Variants in CELF4 observed in about 807,000 individuals in gnomAD.
The protein encoded by CELF4 is CUGBP Elav-like family member 4, also known as CUG-BP- and ETR-3-like factor 4.
In CELF4, 18 loss-of-function variants were observed where a neutral mutation model predicts 59.9. The ratio of observed to expected loss-of-function variants is 0.30; its 90% CI spans 0.21 to 0.45. The LOEUF is 0.45. Ranked by LOEUF, CELF4 falls within the 20% of genes least tolerant of loss-of-function variation. The probability of loss-of-function intolerance (pLI) is 1.00; values close to 1 mark genes in which losing one functional copy is unlikely to be tolerated. For missense variants in CELF4, 456 were observed against 689.0 expected (o/e 0.66, Z 3.79); for synonymous variants, 261 against 267.1 (o/e 0.98, Z 0.22).
intron 9 of CELF4, 46 bp downstream of exon 9, chr18:37,266,487 A>G (rs1460799815): frequency 1.3e-6 from 2 of 1,539,566 alleles, no homozygotes; most frequent in Non-Finnish European, 1.8e-6. Flanking sequence ...GCGTGGAGAG[A>G]TAAACGGAGT....
intron 3 of CELF4, among the ~76,000 whole-genome samples, chr18:37,284,936 G>C (rs892871375): frequency 6.6e-6 from 1 of 152,226 alleles, no homozygotes; most frequent in Admixed American, 6.5e-5. Context: ...TGAGCTTTGA[G>C]GGTCTTCCTT....
At chr18:37,452,899 A>G (rs570645134) in intron 2 of CELF4, among the ~76,000 whole-genome samples, 1 of 151,804 alleles carries the variant, frequency 6.6e-6, no homozygotes, top group South Asian at 2.1e-4. Flanking sequence ...CCCCTTCTTA[A>G]CCCTCACACC....
chr18:37,436,159 G>C (rs781580319), intron 2 of CELF4, among the ~76,000 whole-genome samples: 1 of 152,308 alleles, frequency 6.6e-6, no homozygotes, highest in Non-Finnish European at 1.5e-5. Context: ...AACCAGCCAG[G>C]GAGAAAAATT....
rs372850890 is a variant in CELF4, at chr18:37,392,765, A to T, written c.370-70884T>A. On this transcript the variant is annotated intron_variant, in intron 2 of 12. Transcript: ENST00000420428. Reference sequence around the variant, plus strand: ...AAACTAGCCTGTTGTGCTACTGAGCATGCTTCAGTGGTCCCTCAGGTCTCA... The same window carrying T: ...AAACTAGCCTGTTGTGCTACTGAGCTTGCTTCAGTGGTCCCTCAGGTCTCA... 1.5e-3 allele frequency among the ~76,000 whole-genome samples: 224 copies of T among 152,348 alleles called. 1 individual carries two copies. The highest frequency in any genetic ancestry group is 5.2e-3 in the African/African-American group (215 of 41,586).
chr18:37,427,052 C>A (rs913294466), intron 2 of CELF4, among the ~76,000 whole-genome samples: 1 of 146,340 alleles, frequency 6.8e-6, no homozygotes, highest in African/African-American at 2.5e-5. Context: ...GGGGGGGAAG[C>A]TGGGCACCCT....
chr18:37,270,668 C>G, intron 8 of CELF4, 100 bp downstream of exon 8: 4 of 1,409,354 alleles, frequency 2.8e-6, no homozygotes, highest in Non-Finnish European at 4.0e-6. Flanking sequence ...AAGGAATGGA[C>G]AGAGGGCAGG....
rs1218910786 is a variant in CELF4, at chr18:37,356,009, A to C, written c.370-34128T>G. Among the ~76,000 whole-genome samples, 3 of 152,154 alleles carry C rather than the reference A, an allele frequency of 2.0e-5. No homozygotes were observed. In the East Asian group the frequency reaches 5.8e-4, roughly 29 times the overall value. ...GTCAGCCACAGGCACTCAGCCCAGC[A>C]CAGCCCAGCCCAGCCCAGCCCTGGC... is the stretch of plus-strand genomic sequence containing the variant. On this transcript the variant is annotated intron_variant, in intron 2 of 12. Transcript: ENST00000420428.
intron 1 of CELF4, among the ~76,000 whole-genome samples, chr18:37,509,344 A>AC (rs2099941709): frequency 6.6e-6 from 1 of 152,242 alleles, no homozygotes; most frequent in African/African-American, 2.4e-5. Context: ...TGGGTGCCCT[A>AC]CCCATGTGGG....
chr18:37,373,113 A>G (rs1272541024), intron 2 of CELF4, among the ~76,000 whole-genome samples: 1 of 152,232 alleles, frequency 6.6e-6, no homozygotes, highest in East Asian at 1.9e-4. Context: ...CAAGCCAGAG[A>G]GACTGAGGCT....
chr18:37,249,922 C>A (rs1456375611), intron 12 of CELF4, among the ~76,000 whole-genome samples: 1 of 152,164 alleles, frequency 6.6e-6, no homozygotes, highest in Non-Finnish European at 1.5e-5. Context: ...AAGCCTGGAC[C>A]CGACACTCTC....
intron 3 of CELF4, among the ~76,000 whole-genome samples, chr18:37,318,063 T>A (rs2096929471): frequency 6.6e-6 from 1 of 152,118 alleles, no homozygotes; most frequent in Non-Finnish European, 1.5e-5. Context: ...TAAGACATCT[T>A]TCTGTGCTGC....
intron 2 of CELF4, among the ~76,000 whole-genome samples, chr18:37,478,944 T>A (rs901640235): frequency 1.3e-5 from 2 of 152,140 alleles, no homozygotes; most frequent in African/African-American, 4.8e-5. Flanking sequence ...TCTGAAGGTA[T>A]GGGCTGGAGA....
intron 12 of CELF4, among the ~76,000 whole-genome samples, chr18:37,249,857 C>A (rs932876948): frequency 2.6e-5 from 4 of 152,164 alleles, no homozygotes; most frequent in African/African-American, 9.7e-5. Context: ...GAGGGCCAGG[C>A]CGAAAGCTAC....
chr18:37,493,818 CAG>C (rs1384404736), intron 1 of CELF4, among the ~76,000 whole-genome samples: 1 of 152,206 alleles, frequency 6.6e-6, no homozygotes, highest in African/African-American at 2.4e-5. Flanking sequence ...TACTGCCCTC[CAG>C]AGTCTCCTCT....
At chr18:37,389,441 G>A (rs2099134038) in intron 2 of CELF4, among the ~76,000 whole-genome samples, 1 of 152,180 alleles carries the variant, frequency 6.6e-6, no homozygotes, top group Admixed American at 6.5e-5. Context: ...CCATTACACT[G>A]CTAATTTAAT....
chr18:37,467,803 C>G (rs2099812472), intron 2 of CELF4, among the ~76,000 whole-genome samples: 1 of 152,208 alleles, frequency 6.6e-6, no homozygotes, highest in Non-Finnish European at 1.5e-5. Flanking sequence ...GAGCTACATT[C>G]TCTTTCAATT....
intron 10 of CELF4, among the ~76,000 whole-genome samples, chr18:37,261,582 C>T (rs1206936881): frequency 1.3e-5 from 2 of 152,252 alleles, no homozygotes. Flanking sequence ...TGCACTCCCT[C>T]ATTCACAGAT....
chr18:37,446,084 G>A (rs537489752), intron 2 of CELF4, among the ~76,000 whole-genome samples: 3 of 152,318 alleles, frequency 2.0e-5, no homozygotes, highest in South Asian at 2.1e-4. Flanking sequence ...TCATGCTTGC[G>A]GTTGCTGCTC....
intron 2 of CELF4, among the ~76,000 whole-genome samples, chr18:37,462,172 G>C (rs918373788): frequency 1.3e-5 from 2 of 152,052 alleles, no homozygotes; most frequent in African/African-American, 2.4e-5. Flanking sequence ...GATGATCTGG[G>C]GGTTGCCCCT....
Sources: allele counts gnomAD v4.1 joint callset (sites outside exome capture counted in the v4.1 genomes callset), GRCh38; gene constraint gnomAD v4.1.1; transcripts MANE v1.5; gene names NCBI Gene and HGNC (gene_info 2026-07-23, HGNC 2026-07-21).